PAK1: variants seen among roughly 807,000 people sequenced by gnomAD.
PAK1 encodes the protein p21 (RAC1) activated kinase 1.
A neutral mutation model predicts 67.4 loss-of-function variants in PAK1; 29 were observed. That is an observed-to-expected ratio of 0.43 (90% CI 0.32 to 0.59). The LOEUF is 0.59. Among genes scored for constraint, PAK1 ranks in the 20% least tolerant of loss-of-function variants. PAK1 has a pLI of 0.07. For synonymous variants in PAK1, 223 were observed against 237.4 expected (o/e 0.94, Z 0.56); for missense variants, 337 against 670.7 (o/e 0.50, Z 5.50).
At chr11:77,368,410 T>C (rs113696402) in intron 5 of PAK1, among the ~76,000 whole-genome samples, 2,816 of 152,328 alleles carry the variant, frequency 0.018, 86 homozygotes, top group African/African-American at 0.063. Flanking sequence ...ACGCCCCATT[T>C]TGAGACCTGA....
chr11:77,325,639 C>T (rs1939630119), intron 14 of PAK1, among the ~76,000 whole-genome samples: 2 of 152,096 alleles, frequency 1.3e-5, no homozygotes, highest in Admixed American at 1.3e-4. Context: ...TACACATTTC[C>T]CAGTGCCCAC....
intron 1 of PAK1, among the ~76,000 whole-genome samples, chr11:77,404,885 C>T (rs1953248407): frequency 6.6e-6 from 1 of 152,154 alleles, no homozygotes. Context: ...AAGAGAAAGG[C>T]CTTGTGCTCA....
chr11:77,474,173 T>G (rs1958011694), upstream of PAK1: 1 of 150,032 alleles, frequency 6.7e-6, no homozygotes, highest in East Asian at 2.0e-4. Context: ...CCTCTGCCCT[T>G]TCCCCTTCTC....
chr11:77,393,903 T>C (rs998357290), intron 1 of PAK1, among the ~76,000 whole-genome samples: 1 of 152,074 alleles, frequency 6.6e-6, no homozygotes, highest in Non-Finnish European at 1.5e-5. Flanking sequence ...CTAGGGAGGC[T>C]GAGGCAGGAG....
At chr11:77,519,044 T>C in the PAK1 span, among the ~76,000 whole-genome samples, 1 of 152,242 alleles carries the variant, frequency 6.6e-6, no homozygotes, top group African/African-American at 2.4e-5. Flanking sequence ...ACAAATATTT[T>C]CTACATAACC....
chr11:77,332,167 G>A (rs1379631372), intron 14 of PAK1, among the ~76,000 whole-genome samples: 1 of 149,346 alleles, frequency 6.7e-6, no homozygotes, highest in Non-Finnish European at 1.5e-5. Flanking sequence ...AACTAGCCAG[G>A]TATGGTGGCG....
At chr11:77,420,586 C>T (rs995069942) in intron 1 of PAK1, among the ~76,000 whole-genome samples, 1 of 152,212 alleles carries the variant, frequency 6.6e-6, no homozygotes, top group Non-Finnish European at 1.5e-5. Context: ...TCAGCCCCCA[C>T]AAGCATCCAT....
intron 1 of PAK1, among the ~76,000 whole-genome samples, chr11:77,435,966 G>A (rs376203168): frequency 6.6e-6 from 1 of 152,150 alleles, no homozygotes; most frequent in East Asian, 1.9e-4. Flanking sequence ...TTATAATGAA[G>A]AGTAAGAAGG....
At chr11:77,340,361 C>T (rs956266368) in intron 11 of PAK1, among the ~76,000 whole-genome samples, 9 of 152,072 alleles carry the variant, frequency 5.9e-5, no homozygotes, top group African/African-American at 2.2e-4. Context: ...CGTGCTTAGG[C>T]AAGTGGTTAT....
At chr11:77,367,847 G>GTC (rs1947819441) in intron 5 of PAK1, among the ~76,000 whole-genome samples, 2 of 152,222 alleles carry the variant, frequency 1.3e-5, no homozygotes, top group African/African-American at 4.8e-5. Flanking sequence ...TGGCATGGTG[G>GTC]TGCGTGCCTG....
the PAK1 span, among the ~76,000 whole-genome samples, chr11:77,518,274 A>G: frequency 1.3e-5 from 2 of 152,208 alleles, no homozygotes; most frequent in East Asian, 3.8e-4. Context: ...GGAAGGACAA[A>G]TAGATATTAT....
intron 10 of PAK1, among the ~76,000 whole-genome samples, chr11:77,341,026 T>C (rs2602468): frequency 0.25 from 37,306 of 152,088 alleles, 5,662 homozygotes; most frequent in South Asian, 0.45. Context: ...TAGCTTGAAG[T>C]GATACAATAA....
intron 1 of PAK1, among the ~76,000 whole-genome samples, chr11:77,406,808 T>G (rs2137882514): frequency 6.6e-6 from 1 of 152,166 alleles, no homozygotes; most frequent in East Asian, 1.9e-4. Context: ...AGACACCCAG[T>G]ATCAACACCA....
the PAK1 span, among the ~76,000 whole-genome samples, chr11:77,483,739 A>G: frequency 6.6e-6 from 1 of 152,246 alleles, no homozygotes; most frequent in Non-Finnish European, 1.5e-5. Context: ...ATGGCTAGCC[A>G]TATGGAAGGT....
intron 1 of PAK1, among the ~76,000 whole-genome samples, chr11:77,395,299 G>A (rs1367071419): frequency 2.0e-5 from 3 of 152,104 alleles, no homozygotes; most frequent in Non-Finnish European, 4.4e-5. Flanking sequence ...TCTTCCCTGG[G>A]AGCCAGAATG....
intron 1 of PAK1, among the ~76,000 whole-genome samples, chr11:77,444,936 G>T (rs972089211): frequency 2.0e-5 from 3 of 150,832 alleles, no homozygotes; most frequent in African/African-American, 7.3e-5. Context: ...TTCTTTTCCT[G>T]ACCATCCAGC....
chr11:77,481,104 G>T, the PAK1 span, among the ~76,000 whole-genome samples: 2 of 151,996 alleles, frequency 1.3e-5, no homozygotes, highest in African/African-American at 4.8e-5. Flanking sequence ...TTCTCTATTT[G>T]TTGGATGCAG....
chr11:77,501,453 G>A, the PAK1 span, among the ~76,000 whole-genome samples: 13 of 152,082 alleles, frequency 8.5e-5, no homozygotes, highest in East Asian at 1.2e-3. Flanking sequence ...CACTGAATTC[G>A]ACCCCTCTTC....
intron 1 of PAK1, among the ~76,000 whole-genome samples, chr11:77,429,103 C>CAA (rs1955739201): frequency 1.1e-5 from 1 of 91,504 alleles, no homozygotes; most frequent in Non-Finnish European, 2.1e-5. Context: ...AACACACACA[C>CAA]ACACATCAGG....
Sources: allele counts gnomAD v4.1 joint callset (sites outside exome capture counted in the v4.1 genomes callset), GRCh38; gene constraint gnomAD v4.1.1; transcripts MANE v1.5; gene names NCBI Gene and HGNC (gene_info 2026-07-23, HGNC 2026-07-21).